Variants in DVL3 observed in about 807,000 individuals in gnomAD.
DVL3 encodes dishevelled segment polarity protein 3, also known as segment polarity protein dishevelled homolog DVL-3.
A neutral mutation model predicts 67.4 loss-of-function variants in DVL3; 27 were observed. That is an observed-to-expected ratio of 0.40 (90% CI 0.30 to 0.55). The LOEUF is 0.55. Among genes scored for constraint, DVL3 ranks in the 20% least tolerant of loss-of-function variants. DVL3 has a pLI of 0.46. For synonymous variants in DVL3, 369 were observed against 396.8 expected (o/e 0.93, Z 0.83); for missense variants, 819 against 1,021.5 (o/e 0.80, Z 2.70).
Position 184,169,994 on chromosome 3 carries a change from T to C in DVL3, c.1499-12T>C, listed in dbSNP as rs1577052321. The stretch of plus-strand genomic sequence containing the variant: ...GGAAAGACCTAGCTCCATCCGGCCC[T>C]CCCCTTCACAGACATGGCCAACCTG... On this transcript the variant is annotated splice_polypyrimidine_tract_variant and intron_variant, in intron 13 of 14. Coordinates refer to ENST00000313143, the MANE Select transcript of DVL3 (RefSeq NM_004423.4). 6.3e-7 allele frequency: 1 copy of C among 1,591,626 alleles called. No individual in the cohort carries two copies. The highest frequency in any genetic ancestry group is 1.1e-5 in the South Asian group (1 of 88,622).
chr3:184,161,485 C>G (rs1457404859), intron 1 of DVL3, among the ~76,000 whole-genome samples: 2 of 151,988 alleles, frequency 1.3e-5, no homozygotes, highest in Non-Finnish European at 2.9e-5. Flanking sequence ...TCCTTGCTGT[C>G]TTCCCTCTCT....
At position 184,164,170 on chromosome 3, in the gene DVL3, TC is replaced by T; in HGVS notation, c.232-95del. ...CTTTTCTCCCTCGATATTTCCTGCT[TC>T]CTTCCTCTTAGGCCTTCATGCCTTG... On this transcript the variant is annotated intron_variant, in intron 2 of 14. Coordinates refer to ENST00000313143, the MANE Select transcript of DVL3 (RefSeq NM_004423.4). The surrounding 1 kb of genome is among the most constrained non-coding windows in gnomAD (Gnocchi z 5.3). The T allele has an allele frequency of 7.0e-7, 1 of 1,422,794 alleles. No individual in the cohort carries two copies. The highest frequency in any genetic ancestry group is 9.7e-7 in the Non-Finnish European group (1 of 1,034,900). 88.1% of individuals were successfully genotyped at this position (1,422,794 alleles called of 1,614,324 possible).
chr3:184,155,714 C>T lies in DVL3; in HGVS notation c.79C>T (p.Arg27Cys). ...YLVKLPLPAE[R>C]VTLADFKGVL... ...TGTGAAGCTGCCCCTGCCCGCCGAG[C>T]GCGTCACCTTGGCGGACTTTAAGGG... Residue 27 changes from arginine (R) to cysteine (C), a missense_variant, in exon 1 of 15, where the codon CGC (arginine) becomes TGC (cysteine). This residue lies in a region of DVL3 where 385 missense variants were observed against 486.8 expected (regional missense o/e 0.79). Coordinates refer to ENST00000313143, the MANE Select transcript of DVL3 (RefSeq NM_004423.4). The surrounding 1 kb of genome is among the most constrained non-coding windows in gnomAD (Gnocchi z 5.4). 6.2e-7 allele frequency: 1 copy of T among 1,613,342 alleles called. No homozygotes were observed. Among genetic ancestry groups the T allele is most frequent in the East Asian group, 2.2e-5 (1 of 44,764 alleles).
rs1369359016 is a variant in DVL3 at position 184,165,803 on chromosome 3, T to C, written c.763+312T>C. On this transcript the variant is annotated intron_variant, in intron 7 of 14. Transcript: ENST00000313143. The surrounding 1 kb of genome is among the most constrained non-coding windows in gnomAD (Gnocchi z 4.1). ...CGATTTCTGCCCTAGGTACTCTCTT[T>C]ATGAGACAGCTGGATATAGTAAAAG... is the stretch of plus-strand genomic sequence containing the variant. Among the ~76,000 whole-genome samples, 1 of 152,224 alleles carries C rather than the reference T, an allele frequency of 6.6e-6. No homozygotes were observed. The highest frequency in any genetic ancestry group is 1.5e-5 in the Non-Finnish European group (1 of 68,034).
At chr3:184,156,677 A>T (rs1000431213) in intron 1 of DVL3, 4 of 342,268 alleles carry the variant, frequency 1.2e-5, no homozygotes, top group Non-Finnish European at 1.7e-5. Flanking sequence ...TTGGAGCCGG[A>T]AGGTTCTGAA....
rs1359861203 is a variant in DVL3 at position 184,172,392 on chromosome 3, TTTTGGG to T, written c.*1638_*1643del. ...GTGAGATGAAGTTCTTAGCTCCAGG[TTTTGGG>T]GTAAACCAAGGTAGGAACATTTTGG... is the stretch of plus-strand genomic sequence containing the variant. On this transcript the variant is annotated 3_prime_UTR_variant, in exon 15 of 15. Transcript: ENST00000313143. 1 of 152,192 alleles carries T rather than the reference TTTTGGG, an allele frequency of 6.6e-6. No individual in the cohort carries two copies. Among genetic ancestry groups the T allele is most frequent in the African/African-American group, 2.4e-5 (1 of 41,432 alleles). 9.4% of individuals were successfully genotyped at this position (152,192 alleles called of 1,614,324 possible).
In DVL3 at chr3:184,155,474, C is replaced by T. The variant is rs1025056508; in HGVS notation, c.-162C>T. The T allele has an allele frequency of 2.8e-4, 65 of 230,176 alleles. No individual in the cohort carries two copies. The highest frequency in any genetic ancestry group is 4.1e-4 in the Non-Finnish European group (57 of 140,202). 14.3% of individuals were successfully genotyped at this position (230,176 alleles called of 1,614,324 possible). On this transcript the variant is annotated 5_prime_UTR_variant, in exon 1 of 15. Transcript: ENST00000313143. The surrounding 1 kb of genome is among the most constrained non-coding windows in gnomAD (Gnocchi z 5.4). ...GCGGCCGCGGCGGCGGCGGGCGGCGCTGGGACCCGGTAGCGGCCGGAGAAC... is the reference window on the plus strand; with the variant it reads ...GCGGCCGCGGCGGCGGCGGGCGGCGTTGGGACCCGGTAGCGGCCGGAGAAC...
intron 1 of DVL3, among the ~76,000 whole-genome samples, chr3:184,157,847 G>T (rs1160044931): frequency 6.6e-6 from 1 of 152,202 alleles, no homozygotes; most frequent in South Asian, 2.1e-4. Flanking sequence ...GGATAAATGA[G>T]CAGGGGAACT....
Position 184,166,950 on chromosome 3 carries a change from C to A in DVL3, c.1173C>A (p.Ile391=). 6.2e-7 allele frequency: 1 copy of A among 1,614,126 alleles called. No homozygotes were observed. The highest frequency in any genetic ancestry group is 1.3e-5 in the African/African-American group (1 of 75,018). ...LSTITSTSSS[I]TSSIPDTERL... ...CCATCACCTCCACCAGCTCCTCCATCACCAGTTCCATCCCTGACACAGAGC... is the reference window on the plus strand; with the variant it reads ...CCATCACCTCCACCAGCTCCTCCATAACCAGTTCCATCCCTGACACAGAGC... The change falls in exon 11 of 15, where the codon ATC becomes ATA. Residue 391 remains isoleucine, a synonymous_variant. Transcript: ENST00000313143. The surrounding 1 kb of genome is among the most constrained non-coding windows in gnomAD (Gnocchi z 6.7).
chr3:184,162,871 G>T (rs1039230950), intron 1 of DVL3, among the ~76,000 whole-genome samples: 7 of 152,194 alleles, frequency 4.6e-5, no homozygotes, highest in Non-Finnish European at 8.8e-5. Context: ...TGTGGAATGT[G>T]GTCACGGGGC....
At chr3:184,160,533 T>C (rs892493980) in intron 1 of DVL3, among the ~76,000 whole-genome samples, 1 of 116,722 alleles carries the variant, frequency 8.6e-6, no homozygotes, top group Non-Finnish European at 1.9e-5. Context: ...ATTTGGGGTA[T>C]GAGTGTGTGT....
chr3:184,158,469 C>T (rs1289666879), intron 1 of DVL3, among the ~76,000 whole-genome samples: 1 of 152,120 alleles, frequency 6.6e-6, no homozygotes, highest in African/African-American at 2.4e-5. Context: ...CTTAATCGCA[C>T]AATTTTAGGT....
At chr3:184,168,092 C>T (rs1714662967) in intron 13 of DVL3, 27 bp downstream of exon 13, 1 of 1,601,400 alleles carries the variant, frequency 6.2e-7, no homozygotes. Flanking sequence ...TCTTCTTGCC[C>T]TGTCTCCTGG....
chr3:184,169,201 G>A (rs564022459), intron 13 of DVL3, among the ~76,000 whole-genome samples: 1 of 152,306 alleles, frequency 6.6e-6, no homozygotes, highest in South Asian at 2.1e-4. Flanking sequence ...CCTAATTAAT[G>A]ACCTCATCTG....
At chr3:184,159,934 T>C (rs1311081384) in intron 1 of DVL3, among the ~76,000 whole-genome samples, 3 of 151,772 alleles carry the variant, frequency 2.0e-5, no homozygotes, top group African/African-American at 4.8e-5. Context: ...TTATTTTTTA[T>C]TTTTATTTTA....
chr3:184,168,166 G>A, intron 13 of DVL3, 101 bp downstream of exon 13: 3 of 1,376,684 alleles, frequency 2.2e-6, no homozygotes, highest in Non-Finnish European at 3.0e-6. Context: ...CTGGGGGACA[G>A]CAGAGCCAGG....
Position 184,166,576 on chromosome 3 carries a change from C to T in DVL3, c.981-30C>T. 6.2e-7 allele frequency: 1 copy of T among 1,614,210 alleles called. No homozygotes were observed. The highest frequency in any genetic ancestry group is 1.7e-5 in the Admixed American group (1 of 60,024). On this transcript the variant is annotated intron_variant, in intron 9 of 14. Coordinates refer to ENST00000313143, the MANE Select transcript of DVL3 (RefSeq NM_004423.4). The surrounding 1 kb of genome is among the most constrained non-coding windows in gnomAD (Gnocchi z 6.7). Reference sequence around the variant, plus strand: ...GGGCTTGGTCTGGCCTATACGCATCCTGCCTTCACTAGGACACCCTTGTTT... The same window carrying T: ...GGGCTTGGTCTGGCCTATACGCATCTTGCCTTCACTAGGACACCCTTGTTT...
At chr3:184,156,671 A>T in intron 1 of DVL3, 1 of 347,112 alleles carries the variant, frequency 2.9e-6, no homozygotes, top group East Asian at 7.7e-5. Flanking sequence ...GGAATGTTGG[A>T]GCCGGAAGGT....
At chr3:184,161,521 C>T (rs1442359285) in intron 1 of DVL3, among the ~76,000 whole-genome samples, 1 of 152,184 alleles carries the variant, frequency 6.6e-6, no homozygotes. Context: ...CATGCGTCAT[C>T]TTACCCTTGG....
Sources: allele counts gnomAD v4.1 joint callset (sites outside exome capture counted in the v4.1 genomes callset), GRCh38; gene constraint gnomAD v4.1.1; regional missense constraint gnomAD v4.1.1; non-coding constraint Gnocchi (gnomAD v3.1); transcripts MANE v1.5; gene names NCBI Gene and HGNC (gene_info 2026-07-23, HGNC 2026-07-21).